The following CHD3 variants were observed in gnomAD, a reference collection of about 807,000 sequenced individuals.
CHD3 encodes ATP-dependent chromatin remodeler CHD3.
In CHD3, 52 loss-of-function variants were observed where a neutral mutation model predicts 248.9. The observed-to-expected ratio is 0.21, with a 90% CI of 0.17 to 0.26. The LOEUF (loss-of-function observed/expected upper bound fraction) is 0.26, where lower values mean the gene tolerates loss of function less well. Ranked by LOEUF, CHD3 falls within the 10% of genes least tolerant of loss-of-function variation. CHD3 has a pLI of 1.00. For synonymous variants in CHD3, 985 were observed against 985.2 expected, an observed-to-expected ratio of 1.00 and a Z score of 0.00; for missense variants, 1,482 against 2,605.8, an observed-to-expected ratio of 0.57 and a Z score of 9.39.
rs1170193611 is a variant in CHD3, at chr17:7,912,744, T to C, written c.*1159T>C. On this transcript the variant is annotated 3_prime_UTR_variant, in exon 40 of 40. Coordinates refer to ENST00000330494, the MANE Select transcript of CHD3 (RefSeq NM_001005273.3). ...GTTTATTGGTTGTACATATAAATTATACTTTCCTTTCTGTGTGCTCTGTTA... is the reference window on the plus strand; with the variant it reads ...GTTTATTGGTTGTACATATAAATTACACTTTCCTTTCTGTGTGCTCTGTTA... 7.6e-6 allele frequency: 1 copy of C among 131,104 alleles called. No individual in the cohort carries two copies. 8.1% of individuals were successfully genotyped at this position (131,104 alleles called of 1,614,324 possible).
In CHD3 at chr17:7,900,264, C is replaced by T. The variant is rs1567855424; in HGVS notation, c.2683-26C>T. ...ACTTGTCACTAATAAGCCCATTTTC[C>T]TGCCTTGCCTTGCCCCATCTTTTAG... On this transcript the variant is annotated intron_variant, in intron 16 of 39. Transcript: ENST00000330494. The surrounding 1 kb of genome is among the most constrained non-coding windows in gnomAD (Gnocchi z 6.5). 6.2e-7 allele frequency: 1 copy of T among 1,613,792 alleles called. No homozygotes were observed. Among genetic ancestry groups the T allele is most frequent in the East Asian group, 2.2e-5 (1 of 44,880 alleles).
At chr17:7,890,097 GT>G (rs1471157047) in intron 2 of CHD3, among the ~76,000 whole-genome samples, 1 of 152,198 alleles carries the variant, frequency 6.6e-6, no homozygotes, top group Non-Finnish European at 1.5e-5. Flanking sequence ...ATACCAGGCC[GT>G]TTATTTGGCT....
chr17:7,903,674 AAAAC>A lies in CHD3; in HGVS notation c.3728-143_3728-140del. 3 of 1,066,200 alleles carry A rather than the reference AAAAC, an allele frequency of 2.8e-6. No individual in the cohort carries two copies. Among genetic ancestry groups the A allele is most frequent in the Non-Finnish European group, 1.3e-6 (1 of 745,884 alleles). The allele number at this position is 1,066,200 out of a possible 1,614,324, so 66.0% of individuals were successfully genotyped here. On this transcript the variant is annotated intron_variant, in intron 23 of 39. Coordinates refer to ENST00000330494, the MANE Select transcript of CHD3 (RefSeq NM_001005273.3). This position sits in a 1 kb window ranked among gnomAD's most constrained non-coding sequence, Gnocchi z 6.8. ...GGCCTCTTTCTTTGCCTGTAGGGTT[AAAAC>A]AAACAAAACAAAAACCTTTCAACAT...
rs1055848611 is a variant in CHD3, at chr17:7,911,425, A to C, written c.5882-39A>C. 1 of 1,613,776 alleles carries C rather than the reference A, an allele frequency of 6.2e-7. No homozygotes were observed. The highest frequency in any genetic ancestry group is 8.5e-7 in the Non-Finnish European group (1 of 1,179,874). On this transcript the variant is annotated intron_variant, in intron 39 of 39. Transcript: ENST00000330494. The surrounding 1 kb of genome is among the most constrained non-coding windows in gnomAD (Gnocchi z 5.4). ...TGTCATGAAGTGACGTTTGAGAGTG[A>C]TCTGGAGATTGATCTTTCCTTACCC... is the stretch of plus-strand genomic sequence containing the variant.
chr17:7,889,251 T>A lies in CHD3; in HGVS notation c.100+151T>A. 1 of 991,530 alleles carries A rather than the reference T, an allele frequency of 1.0e-6. No individual in the cohort carries two copies. The highest frequency in any genetic ancestry group is 1.5e-6 in the Non-Finnish European group (1 of 677,616). The allele number at this position is 991,530 out of a possible 1,614,324, so 61.4% of individuals were successfully genotyped here. A position where few individuals can be genotyped will look rare whatever the true frequency, so the allele number is the denominator to read the frequency against. On this transcript the variant is annotated intron_variant, in intron 1 of 39. Coordinates refer to ENST00000330494, the MANE Select transcript of CHD3 (RefSeq NM_001005273.3). The surrounding 1 kb of genome is among the most constrained non-coding windows in gnomAD (Gnocchi z 4.5). The stretch of plus-strand genomic sequence containing the variant: ...GAGCTGCCAGCTTGTGTCTCCCCAC[T>A]CCAAGTGCTGGGGTCAGGCCAGGCC...
rs1281169511 is a variant in CHD3 at position 7,895,638 on chromosome 17, T to C, written c.1707+96T>C. ...CTGTTTGTTGGGTTCCCATACTCTT[T>C]GTTTTCTCTCATTTCAGGCCTGTGG... On this transcript the variant is annotated intron_variant, in intron 10 of 39. Coordinates refer to ENST00000330494, the MANE Select transcript of CHD3 (RefSeq NM_001005273.3). The surrounding 1 kb of genome is among the most constrained non-coding windows in gnomAD (Gnocchi z 4.9). The C allele has an allele frequency of 1.6e-5, 18 of 1,130,250 alleles. No homozygotes were observed. The highest frequency in any genetic ancestry group is 2.2e-5 in the Non-Finnish European group (17 of 771,524). The allele number at this position is 1,130,250 out of a possible 1,614,324, so 70.0% of individuals were successfully genotyped here.
rs1159314084 is a variant in CHD3, at chr17:7,905,128, AGAG to A, written c.4110_4112del (p.Glu1370del). The A allele has an allele frequency of 1.2e-6, 2 of 1,614,168 alleles. No homozygotes were observed. Among genetic ancestry groups the A allele is most frequent in the Admixed American group, 1.7e-5 (1 of 60,020 alleles). On this transcript the variant is annotated inframe_deletion, in exon 26 of 40. Transcript: ENST00000330494. This position sits in a 1 kb window ranked among gnomAD's most constrained non-coding sequence, Gnocchi z 5.8. ...ACCAGTCAGAGTACTCGGTGGGTTC[AGAG>A]GAGGAGGATGAAGACTTCGATGAAC...
In CHD3 at chr17:7,893,484, C is replaced by A; in HGVS notation, c.708C>A (p.Pro236=). The change falls in exon 5 of 40, where the codon CCC becomes CCA. Residue 236 remains proline (P), a synonymous_variant. Transcript: ENST00000330494. ...AAVSSATPIA[P]SGPPALPPPP... ...TCTCGTCGGCCACCCCCATAGCACC[C>A]TCCGGACCCCCCGCCCTTCCACCAC... 1 of 1,589,294 alleles carries A rather than the reference C, an allele frequency of 6.3e-7. No homozygotes were observed. The highest frequency in any genetic ancestry group is 1.4e-5 in the African/African-American group (1 of 73,978).
rs774186605 is a variant in CHD3 at position 7,902,743 on chromosome 17, T to C, written c.3370+16T>C. The C allele has an allele frequency of 1.5e-5, 24 of 1,605,586 alleles. No homozygotes were observed. The highest frequency in any genetic ancestry group is 3.3e-4 in the Middle Eastern group (2 of 6,064). On this transcript the variant is annotated intron_variant, in intron 21 of 39. Transcript: ENST00000330494. ...CGGTTTAATGGTGAGGGAGATACAC[T>C]GGTCCCTGGTGGGTGTGGGAGGCCT...
Position 7,893,824 on chromosome 17 carries a change from G to A in CHD3, c.813G>A (p.Arg271=), listed in dbSNP as rs1379645937. The A allele has an allele frequency of 6.2e-6, 10 of 1,613,978 alleles. No homozygotes were observed. The highest frequency in any genetic ancestry group is 8.5e-6 in the Non-Finnish European group (10 of 1,180,026). The change falls in exon 6 of 40, where the codon CGG becomes CGA. Residue 271 remains arginine, a synonymous_variant. Transcript: ENST00000330494. ...KEGKGPGHKR[R]SKSPRVPDGR... Reference sequence around the variant, plus strand: ...ATTCAGGTCCAGGCCATAAGAGGCGGAGTAAGAGCCCCCGAGTGCCTGATG... The same window carrying A: ...ATTCAGGTCCAGGCCATAAGAGGCGAAGTAAGAGCCCCCGAGTGCCTGATG...
intron 10 of CHD3, among the ~76,000 whole-genome samples, chr17:7,896,278 C>T (rs1222121499): frequency 1.3e-5 from 2 of 151,336 alleles, no homozygotes; most frequent in East Asian, 1.9e-4. Context: ...ATCCCATTCC[C>T]TATCTCTTGC....
chr17:7,903,423 A>G lies in CHD3; in HGVS notation c.3647A>G (p.Lys1216Arg). The G allele has an allele frequency of 6.2e-7, 1 of 1,614,210 alleles. No individual in the cohort carries two copies. Among genetic ancestry groups the G allele is most frequent in the Non-Finnish European group, 8.5e-7 (1 of 1,180,034 alleles). Residue 1216 changes from lysine to arginine, a missense_variant, in exon 23 of 40, where the codon AAG becomes AGG. By Grantham distance (26) the Lys-to-Arg change is conservative. This residue lies in a region of CHD3 where 156 missense variants were observed against 420.3 expected (regional missense o/e 0.37). Transcript: ENST00000330494. This position sits in a 1 kb window ranked among gnomAD's most constrained non-coding sequence, Gnocchi z 6.8. Reference sequence around the variant, plus strand: ...GTTGTGCGGCCTGGGCTGGGCTCCAAGGCAGGCTCCATGTCCAAGCAGGAG... The same window carrying G: ...GTTGTGCGGCCTGGGCTGGGCTCCAGGGCAGGCTCCATGTCCAAGCAGGAG... ...HLVVRPGLGS[K>R]AGSMSKQELD...
In CHD3 at chr17:7,911,739, C is replaced by A; in HGVS notation, c.*154C>A. The A allele has an allele frequency of 6.5e-7, 1 of 1,535,802 alleles. No homozygotes were observed. Among genetic ancestry groups the A allele is most frequent in the Non-Finnish European group, 8.8e-7 (1 of 1,137,428 alleles). On this transcript the variant is annotated 3_prime_UTR_variant, in exon 40 of 40. Transcript: ENST00000330494. The surrounding 1 kb of genome is among the most constrained non-coding windows in gnomAD (Gnocchi z 5.4). ...TGCCCCTCTCTGCAGCTCCTCTCTT[C>A]AAGAAGGGCCCTTTGTCTTTCTCCA...
chr17:7,902,540 G>A, intron 20 of CHD3, 70 bp from the exon 21 acceptor site: 1 of 973,162 alleles, frequency 1.0e-6, no homozygotes, highest in Non-Finnish European at 1.6e-6. Context: ...TTTGTGTAAA[G>A]GAGTAGTTAG....
In CHD3 at chr17:7,893,921, A is replaced by G; in HGVS notation, c.910A>G (p.Lys304Glu). The change falls in exon 6 of 40, where the codon AAG becomes GAG. Residue 304 changes from lysine (K) to glutamate (E), a missense_variant. Physicochemically the swap from Lys to Glu is moderately conservative, Grantham distance 56 (BLOSUM62 1). Around this residue, in one of 20 missense-constraint regions of CHD3, gnomAD observed 149 missense variants for 182.6 expected, o/e 0.82. Coordinates refer to ENST00000330494, the MANE Select transcript of CHD3 (RefSeq NM_001005273.3). ...IKLGLLGGKR[K>E]KGGSYVFQSD... Reference sequence around the variant, plus strand: ...ACTAGGGCTTCTGGGTGGCAAGAGGAAGAAAGGAGGCTCGGTGAGTGACCC... The same window carrying G: ...ACTAGGGCTTCTGGGTGGCAAGAGGGAGAAAGGAGGCTCGGTGAGTGACCC... 6.4e-7 allele frequency: 1 copy of G among 1,574,668 alleles called. No homozygotes were observed. Among genetic ancestry groups the G allele is most frequent in the Non-Finnish European group, 8.6e-7 (1 of 1,159,014 alleles).
chr17:7,907,653 G>A lies in CHD3; in HGVS notation c.4977G>A (p.Gln1659=). 2 of 1,535,098 alleles carry A rather than the reference G, an allele frequency of 1.3e-6. No homozygotes were observed. Among genetic ancestry groups the A allele is most frequent in the Non-Finnish European group, 1.7e-6 (2 of 1,148,132 alleles). Residue 1659 remains glutamine (Q), a synonymous_variant, in exon 33 of 40, where the codon CAG becomes CAA. Transcript: ENST00000330494. This position sits in a 1 kb window ranked among gnomAD's most constrained non-coding sequence, Gnocchi z 4.3. ...GGGAGGAGAAGCCGTTGGATGGACAGGAACACAGGGAGAGGCCGGAGGGGG... is the reference window on the plus strand; with the variant it reads ...GGGAGGAGAAGCCGTTGGATGGACAAGAACACAGGGAGAGGCCGGAGGGGG... The part of the protein sequence containing the change: ...ERGEEKPLDG[Q]EHRERPEGET...
At position 7,910,603 on chromosome 17, in the gene CHD3, T is replaced by TC; in HGVS notation, c.5754+17dup. 6.3e-7 allele frequency: 1 copy of TC among 1,598,988 alleles called. No individual in the cohort carries two copies. Among genetic ancestry groups the TC allele is most frequent in the South Asian group, 1.1e-5 (1 of 90,618 alleles). On this transcript the variant is annotated intron_variant, in intron 38 of 39. Coordinates refer to ENST00000330494, the MANE Select transcript of CHD3 (RefSeq NM_001005273.3). The surrounding 1 kb of genome is among the most constrained non-coding windows in gnomAD (Gnocchi z 4.7). ...CTCACCCCACACCGGTAACCCTCTT[T>TC]CCCCCTAGCTCCAGTTTTCCCTGTT...
Position 7,911,429 on chromosome 17 carries a change from G to A in CHD3, c.5882-35G>A, listed in dbSNP as rs765695650. Reference sequence around the variant, plus strand: ...ATGAAGTGACGTTTGAGAGTGATCTGGAGATTGATCTTTCCTTACCCCTTT... The same window carrying A: ...ATGAAGTGACGTTTGAGAGTGATCTAGAGATTGATCTTTCCTTACCCCTTT... On this transcript the variant is annotated intron_variant, in intron 39 of 39. Transcript: ENST00000330494. The surrounding 1 kb of genome is among the most constrained non-coding windows in gnomAD (Gnocchi z 5.4). 11 of 1,613,824 alleles carry A rather than the reference G, an allele frequency of 6.8e-6. No homozygotes were observed. Among genetic ancestry groups the A allele is most frequent in the Non-Finnish European group, 9.3e-6 (11 of 1,179,910 alleles).
Position 7,909,094 on chromosome 17 carries a change from C to A in CHD3, c.5395-49C>A. On this transcript the variant is annotated intron_variant, in intron 36 of 39. Transcript: ENST00000330494. The surrounding 1 kb of genome is among the most constrained non-coding windows in gnomAD (Gnocchi z 8.1). ...CTATGTCCGCCCCCCCAGCCCCTCA[C>A]CCACTGCTGGCAGAGCCCTACCTTC... 1 of 1,548,236 alleles carries A rather than the reference C, an allele frequency of 6.5e-7. No individual in the cohort carries two copies. Among genetic ancestry groups the A allele is most frequent in the Non-Finnish European group, 8.7e-7 (1 of 1,146,094 alleles).
Sources: allele counts gnomAD v4.1 joint callset (sites outside exome capture counted in the v4.1 genomes callset), GRCh38; gene constraint gnomAD v4.1.1; regional missense constraint gnomAD v4.1.1; non-coding constraint Gnocchi (gnomAD v3.1); transcripts MANE v1.5; gene names NCBI Gene and HGNC (gene_info 2026-07-23, HGNC 2026-07-21).